Variants in CLYBL observed in about 807,000 individuals in gnomAD.
CLYBL encodes the protein citramalyl-CoA lyase.
CLYBL carries 31 observed loss-of-function variants against 38.9 expected under a neutral mutation model. That is an observed-to-expected ratio of 0.80 (90% CI 0.60 to 1.08). The LOEUF is 1.08. Ranked by LOEUF, CLYBL falls within the 50% of genes least tolerant of loss-of-function variation. CLYBL has a pLI of 0.00. For missense variants in CLYBL, 434 were observed against 411.6 expected, an observed-to-expected ratio of 1.05 and a Z score of -0.47; for synonymous variants, 171 against 158.6, an observed-to-expected ratio of 1.08 and a Z score of -0.59.
chr13:99,899,614 C>T (rs998392681), downstream of CLYBL, among the ~76,000 whole-genome samples: 8 of 152,020 alleles, frequency 5.3e-5, no homozygotes, highest in African/African-American at 1.2e-4. Flanking sequence ...GGTGGCACAA[C>T]GATACGAATG....
At chr13:99,795,025 G>C (rs1384654707) in intron 2 of CLYBL, among the ~76,000 whole-genome samples, 1 of 152,124 alleles carries the variant, frequency 6.6e-6, no homozygotes, top group African/African-American at 2.4e-5. Flanking sequence ...AGCTTCTCAG[G>C]ATGGTGGTAG....
At chr13:99,613,114 A>G (rs2046655193) in intron 1 of CLYBL, among the ~76,000 whole-genome samples, 1 of 151,990 alleles carries the variant, frequency 6.6e-6, no homozygotes, top group Non-Finnish European at 1.5e-5. Context: ...AAATTTTGCA[A>G]GATTTCTGAT....
chr13:99,759,568 G>A (rs761724302), intron 1 of CLYBL, among the ~76,000 whole-genome samples: 5 of 152,100 alleles, frequency 3.3e-5, no homozygotes, highest in African/African-American at 4.8e-5. Flanking sequence ...AGAGAGATGT[G>A]AGACCACCCC....
chr13:99,630,797 CT>C (rs2046932527), intron 1 of CLYBL, among the ~76,000 whole-genome samples: 1 of 152,112 alleles, frequency 6.6e-6, no homozygotes. Context: ...AAGCACTGTA[CT>C]TTTATACATT....
chr13:99,858,135 A>G (rs1044416829), intron 2 of CLYBL, among the ~76,000 whole-genome samples: 6 of 152,212 alleles, frequency 3.9e-5, no homozygotes, highest in Admixed American at 6.5e-5. Context: ...TCTGGGGACA[A>G]TTCAAATACT....
intron 1 of CLYBL, among the ~76,000 whole-genome samples, chr13:99,655,384 C>G (rs2047315636): frequency 6.6e-6 from 1 of 152,142 alleles, no homozygotes; most frequent in Admixed American, 6.5e-5. Context: ...CCTGGTGTTG[C>G]ATTTCGTTAC....
At chr13:99,714,534 T>G (rs1442082299) in intron 1 of CLYBL, among the ~76,000 whole-genome samples, 1 of 152,154 alleles carries the variant, frequency 6.6e-6, no homozygotes, top group Non-Finnish European at 1.5e-5. Flanking sequence ...GGAGAACTGC[T>G]TGAACCGGGG....
chr13:99,754,898 A>C (rs2049031642), intron 1 of CLYBL, among the ~76,000 whole-genome samples: 2 of 138,116 alleles, frequency 1.4e-5, no homozygotes, highest in African/African-American at 5.5e-5. Context: ...AGCCTAGATG[A>C]TCTCTTTTTT....
At chr13:99,793,531 C>G (rs2049961251) in intron 2 of CLYBL, among the ~76,000 whole-genome samples, 1 of 152,124 alleles carries the variant, frequency 6.6e-6, no homozygotes. Context: ...TTATTAATCT[C>G]TTCATACCCT....
chr13:99,700,936 C>T (rs2139458160), intron 1 of CLYBL, among the ~76,000 whole-genome samples: 1 of 152,270 alleles, frequency 6.6e-6, no homozygotes, highest in East Asian at 1.9e-4. Context: ...CTCTGATTGT[C>T]AAGATTTCTT....
intron 1 of CLYBL, among the ~76,000 whole-genome samples, chr13:99,761,428 A>G (rs757402745): frequency 6.6e-5 from 10 of 152,332 alleles, no homozygotes; most frequent in Admixed American, 2.6e-4. Flanking sequence ...AACATGCAAT[A>G]TTTGTCTTTC....
At position 99,606,745 on chromosome 13, in the gene CLYBL, C is replaced by G; in HGVS notation, c.50C>G (p.Ala17Gly). ...GCGGCGCGCGGAGCTGCGGCGGCGGCGCTGCTGAGGCTGTGAGTGCAGGTC... is the reference window on the plus strand; with the variant it reads ...GCGGCGCGCGGAGCTGCGGCGGCGGGGCTGCTGAGGCTGTGAGTGCAGGTC... The part of the protein sequence containing the change: ...RRAARGAAAA[A>G]LLRLKASLAA... Residue 17 changes from alanine (A) to glycine (G), a missense_variant, in exon 1 of 9, where the codon GCG becomes GGG. Physicochemically the swap from Ala to Gly is moderately conservative, Grantham distance 60. Coordinates refer to ENST00000339105, the MANE Select transcript of CLYBL (RefSeq NM_206808.5). 1 of 1,482,382 alleles carries G rather than the reference C, an allele frequency of 6.7e-7. No individual in the cohort carries two copies. 91.8% of individuals were successfully genotyped at this position (1,482,382 alleles called of 1,614,324 possible).
chr13:99,646,463 C>G (rs899719546), intron 1 of CLYBL, among the ~76,000 whole-genome samples: 2 of 151,682 alleles, frequency 1.3e-5, no homozygotes, highest in Admixed American at 1.3e-4. Context: ...TTATAATTCA[C>G]CTGGGTCAGG....
At chr13:99,690,140 T>G (rs970277410) in intron 1 of CLYBL, 6 of 152,246 alleles carry the variant, frequency 3.9e-5, no homozygotes, top group Non-Finnish European at 7.3e-5. Flanking sequence ...AAAGTTTTAT[T>G]CACTTTTCTT....
intron 2 of CLYBL, among the ~76,000 whole-genome samples, chr13:99,826,381 C>G (rs1342567204): frequency 6.6e-6 from 1 of 152,176 alleles, no homozygotes; most frequent in African/African-American, 2.4e-5. Context: ...AGATTTCAGA[C>G]TTGTCAATCC....
At chr13:99,659,180 C>A (rs1179947125) in intron 1 of CLYBL, among the ~76,000 whole-genome samples, 1 of 151,992 alleles carries the variant, frequency 6.6e-6, no homozygotes. Flanking sequence ...TAGTATTCCT[C>A]TTCTAAATCA....
At chr13:99,676,426 G>C (rs879448502) in intron 1 of CLYBL, among the ~76,000 whole-genome samples, 1 of 150,220 alleles carries the variant, frequency 6.7e-6, no homozygotes, top group East Asian at 2.0e-4. Flanking sequence ...TTAGCCACTC[G>C]AGTAGCTGGG....
rs906285232 is a variant in CLYBL, at chr13:99,648,952, A to C, written c.62+42195A>C. ...ATTCATACATTTAACCCATCCCCAA[A>C]ATTTTCTTAAAAAACTTAATAATTA... On this transcript the variant is annotated intron_variant, in intron 1 of 8. Coordinates refer to ENST00000339105, the MANE Select transcript of CLYBL (RefSeq NM_206808.5). 2.4e-4 allele frequency among the ~76,000 whole-genome samples: 36 copies of C among 151,882 alleles called. 1 individual carries two copies. The highest frequency in any genetic ancestry group is 1.2e-3 in the Admixed American group (18 of 15,216).
At chr13:99,659,292 C>T (rs931018400) in intron 1 of CLYBL, among the ~76,000 whole-genome samples, 1 of 151,974 alleles carries the variant, frequency 6.6e-6, no homozygotes, top group Non-Finnish European at 1.5e-5. Context: ...ATTTAAAAAA[C>T]TGTAGAATCA....
Sources: gnomAD v4.1 joint callset for allele counts (sites outside exome capture counted in the v4.1 genomes callset) on GRCh38, gnomAD v4.1.1 for gene constraint, MANE v1.5 for transcripts, NCBI Gene and HGNC (gene_info 2026-07-23, HGNC 2026-07-21) for gene names.